Variants in ARL5B observed in about 807,000 individuals in gnomAD.
ARL5B encodes ADP-ribosylation factor-like protein 5B.
Under a neutral mutation model 26.9 loss-of-function variants are expected in ARL5B, and 10 were observed. The ratio of observed to expected loss-of-function variants is 0.37; its 90% confidence interval spans 0.23 to 0.63. ARL5B has a LOEUF of 0.63. Among genes scored for constraint, ARL5B ranks in the 30% least tolerant of loss-of-function variants. ARL5B has a pLI of 0.62. For missense variants in ARL5B, 167 were observed against 213.9 expected (o/e 0.78, Z 1.37); for synonymous variants, 87 against 70.4 (o/e 1.24, Z -1.18).
chr10:18,672,576 C>A, intron 3 of ARL5B, 46 bp from the exon 4 acceptor site: 1 of 1,452,994 alleles, frequency 6.9e-7, no homozygotes, highest in Non-Finnish European at 9.6e-7. Flanking sequence ...GAAAACTTTT[C>A]AGCATCCCAT....
intron 3 of ARL5B, among the ~76,000 whole-genome samples, chr10:18,669,176 G>GA (rs953153657): frequency 5.5e-4 from 83 of 152,080 alleles, no homozygotes; most frequent in African/African-American, 2.0e-3. Context: ...TCGAATAAAA[G>GA]AAAAGGCAAA....
At chr10:18,660,204 A>G (rs182515207) in intron 1 of ARL5B, among the ~76,000 whole-genome samples, 60 of 152,220 alleles carry the variant, frequency 3.9e-4, no homozygotes, top group Admixed American at 2.7e-3. Flanking sequence ...CGAGTTTTCC[A>G]GCATCTTCAT....
At chr10:18,669,162 G>A (rs1318438005) in intron 3 of ARL5B, among the ~76,000 whole-genome samples, 1 of 151,946 alleles carries the variant, frequency 6.6e-6, no homozygotes, top group Non-Finnish European at 1.5e-5. Flanking sequence ...AAGAATTTGG[G>A]TTTTCGAATA....
rs2059816084 is a variant in ARL5B at position 18,659,516 on chromosome 10, T to G, written c.-122T>G. ...GGGTCGAGGCTTCTCGGCCTAGCAG[T>G]GCCCTCGCTGCGCGATCTCAGGCGG... On this transcript the variant is annotated 5_prime_UTR_variant, in exon 1 of 6. Transcript: ENST00000377275. 1 of 1,283,468 alleles carries G rather than the reference T, an allele frequency of 7.8e-7. No individual in the cohort carries two copies. The highest frequency in any genetic ancestry group is 1.0e-6 in the Non-Finnish European group (1 of 961,684). 79.5% of individuals were successfully genotyped at this position (1,283,468 alleles called of 1,614,324 possible). A position where few individuals can be genotyped will look rare whatever the true frequency, so the allele number is the denominator to read the frequency against.
In ARL5B at chr10:18,659,623, GC is replaced by G; in HGVS notation, c.-11del. On this transcript the variant is annotated 5_prime_UTR_variant, in exon 1 of 6. Transcript: ENST00000377275. ...CTGCTGCCGAGGGACCCCGCGGCCC[GC>G]CCCGGTGCTCGTGATGGGGCTGATC... 2 of 1,607,588 alleles carry G rather than the reference GC, an allele frequency of 1.2e-6. No individual in the cohort carries two copies. The highest frequency in any genetic ancestry group is 1.7e-6 in the Non-Finnish European group (2 of 1,177,342).
intron 1 of ARL5B, among the ~76,000 whole-genome samples, chr10:18,665,529 C>T (rs1317539162): frequency 6.6e-6 from 1 of 151,934 alleles, no homozygotes; most frequent in South Asian, 2.1e-4. Flanking sequence ...TTTCTTGGTC[C>T]CTCTTTTTTT....
rs2059920770 is a variant in ARL5B at position 18,678,801 on chromosome 10, T to C, written c.*3585T>C. On this transcript the variant is annotated 3_prime_UTR_variant, in exon 6 of 6. Coordinates refer to ENST00000377275, the MANE Select transcript of ARL5B (RefSeq NM_178815.5). ...ATGGTGTCTTGTATCTAGTAGAATA[T>C]TGTGCTAGCCATCTAAAAAAGTGGA... The C allele has an allele frequency of 6.6e-6, 1 of 151,816 alleles. No individual in the cohort carries two copies. Among genetic ancestry groups the C allele is most frequent in the African/African-American group, 2.4e-5 (1 of 41,402 alleles). The allele number at this position is 151,816 out of a possible 1,614,324, so 9.4% of individuals were successfully genotyped here. A position where few individuals can be genotyped will look rare whatever the true frequency, so the allele number is the denominator to read the frequency against.
In ARL5B at chr10:18,674,136, GT is replaced by G. The variant is rs1349169502; in HGVS notation, c.491+2del. 6.2e-7 allele frequency: 1 copy of G among 1,607,062 alleles called. No homozygotes were observed. Among genetic ancestry groups the G allele is most frequent in the Non-Finnish European group, 8.5e-7 (1 of 1,177,384 alleles). On this transcript the variant is annotated splice_donor_variant, in intron 5 of 5. Transcript: ENST00000377275. LOFTEE classifies it high-confidence loss of function. ...CCTGCTGTGCTCTCACAGGAGAAGG[GT>G]AAGTTCATCCGTCTGAGGGGAGGTA...
chr10:18,661,337 T>G (rs2131636747), intron 1 of ARL5B, among the ~76,000 whole-genome samples: 1 of 152,268 alleles, frequency 6.6e-6, no homozygotes. Flanking sequence ...TCGTTGGAGG[T>G]GTCCTTACTC....
intron 3 of ARL5B, among the ~76,000 whole-genome samples, chr10:18,670,368 T>C (rs923262929): frequency 2.0e-5 from 3 of 152,186 alleles, no homozygotes; most frequent in African/African-American, 7.2e-5. Flanking sequence ...CCCAGCACTT[T>C]GGTAGGCCGA....
chr10:18,664,727 C>T (rs1160883598), intron 1 of ARL5B, among the ~76,000 whole-genome samples: 1 of 152,074 alleles, frequency 6.6e-6, no homozygotes, highest in East Asian at 1.9e-4. Flanking sequence ...CGTAAGGCAC[C>T]ACGCCTGGCC....
At chr10:18,670,115 TATA>T (rs977611903) in intron 3 of ARL5B, among the ~76,000 whole-genome samples, 1 of 152,142 alleles carries the variant, frequency 6.6e-6, no homozygotes, top group Non-Finnish European at 1.5e-5. Flanking sequence ...AGATTTATAT[TATA>T]ATAGCATGTG....
intron 4 of ARL5B, 121 bp downstream of exon 4, chr10:18,672,826 T>C (rs2131645783): frequency 1.9e-6 from 1 of 518,236 alleles, no homozygotes; most frequent in Non-Finnish European, 3.3e-6. Context: ...CACAACTTTA[T>C]GTACTAAACT....
rs907963135 is a variant in ARL5B at position 18,681,638 on chromosome 10, T to C, written c.*6422T>C. On this transcript the variant is annotated 3_prime_UTR_variant, in exon 6 of 6. Transcript: ENST00000377275. Reference sequence around the variant, plus strand: ...TCATAATAAATAATTACTTTTCCAATACGAAGTGAATCCAGTGTTTTCTTT... The same window carrying C: ...TCATAATAAATAATTACTTTTCCAACACGAAGTGAATCCAGTGTTTTCTTT... 1 of 152,188 alleles carries C rather than the reference T, an allele frequency of 6.6e-6. No homozygotes were observed. The highest frequency in any genetic ancestry group is 1.5e-5 in the Non-Finnish European group (1 of 68,046). The allele number at this position is 152,188 out of a possible 1,614,324, so 9.4% of individuals were successfully genotyped here. A position where few individuals can be genotyped will look rare whatever the true frequency, so the allele number is the denominator to read the frequency against.
intron 1 of ARL5B, among the ~76,000 whole-genome samples, chr10:18,660,149 T>G (rs1486812615): frequency 2.6e-5 from 4 of 152,106 alleles, no homozygotes; most frequent in South Asian, 2.1e-4. Context: ...TGATTTCGCC[T>G]CCTTTCCTCT....
intron 1 of ARL5B, among the ~76,000 whole-genome samples, chr10:18,660,876 C>T (rs1410672779): frequency 6.6e-6 from 1 of 152,142 alleles, no homozygotes; most frequent in African/African-American, 2.4e-5. Context: ...GAGGCAGAGT[C>T]TTTCTCTGTC....
intron 3 of ARL5B, among the ~76,000 whole-genome samples, chr10:18,671,672 C>A (rs1052432617): frequency 6.6e-6 from 1 of 151,198 alleles, no homozygotes; most frequent in South Asian, 2.1e-4. Flanking sequence ...ACCCACCCCC[C>A]ACATTTTTTA....
intron 5 of ARL5B, among the ~76,000 whole-genome samples, 196 bp from the exon 6 acceptor site, chr10:18,674,972 C>A (rs947324766): frequency 6.6e-6 from 1 of 152,088 alleles, no homozygotes; most frequent in Admixed American, 6.5e-5. Context: ...CAATTTCCCA[C>A]AAACTGATTA....
At position 18,680,212 on chromosome 10, in the gene ARL5B, A is replaced by G. The variant is rs890593741; in HGVS notation, c.*4996A>G. ...GTTTGTGGGATGTTTGTACCATCCC[A>G]TAAAAACCCCCTTCACCCAAACTGT... On this transcript the variant is annotated 3_prime_UTR_variant, in exon 6 of 6. Coordinates refer to ENST00000377275, the MANE Select transcript of ARL5B (RefSeq NM_178815.5). 1 of 152,078 alleles carries G rather than the reference A, an allele frequency of 6.6e-6. No homozygotes were observed. The highest frequency in any genetic ancestry group is 1.5e-5 in the Non-Finnish European group (1 of 67,922). 9.4% of individuals were successfully genotyped at this position (152,078 alleles called of 1,614,324 possible).
Sources: gnomAD v4.1 joint callset for allele counts (sites outside exome capture counted in the v4.1 genomes callset) on GRCh38, gnomAD v4.1.1 for gene constraint, MANE v1.5 for transcripts, NCBI Gene and HGNC (gene_info 2026-07-23, HGNC 2026-07-21) for gene names.